WWOX: variants seen among roughly 807,000 people sequenced by gnomAD.
WWOX encodes the protein WW domain-containing oxidoreductase.
In WWOX, 69 loss-of-function variants were observed where a neutral mutation model predicts 46.2. The observed-to-expected ratio is 1.49, with a 90% CI of 1.23 to 1.82. The LOEUF is 1.82. WWOX is among the 40% of genes most tolerant of loss of function. The pLI is 0.00. For synonymous variants in WWOX, 359 were observed against 202.6 expected, an observed-to-expected ratio of 1.77 and a Z score of -6.56; for missense variants, 919 against 542.6, an observed-to-expected ratio of 1.69 and a Z score of -6.89.
chr16:78,283,773 G>A (rs537202719), intron 5 of WWOX, among the ~76,000 whole-genome samples: 1 of 152,166 alleles, frequency 6.6e-6, no homozygotes, highest in Non-Finnish European at 1.5e-5. Context: ...ACAGTGGGTT[G>A]AGCTAAATTC....
chr16:79,076,872 C>G (rs570439400), intron 8 of WWOX, among the ~76,000 whole-genome samples: 1 of 152,208 alleles, frequency 6.6e-6, no homozygotes, highest in African/African-American at 2.4e-5. Flanking sequence ...AGACGCTTGT[C>G]TTAGTGTTTA....
At chr16:78,804,294 A>C (rs903897761) in intron 8 of WWOX, among the ~76,000 whole-genome samples, 4 of 152,030 alleles carry the variant, frequency 2.6e-5, no homozygotes, top group Non-Finnish European at 5.9e-5. Context: ...TTTGCCCTCA[A>C]TTTCATTGAG....
chr16:79,038,845 C>A (rs1354591467), intron 8 of WWOX, among the ~76,000 whole-genome samples: 2 of 152,096 alleles, frequency 1.3e-5, no homozygotes, highest in Non-Finnish European at 2.9e-5. Flanking sequence ...CCACTGTGCC[C>A]AGCCTAGAAA....
chr16:78,743,904 G>C (rs950186000), intron 8 of WWOX, among the ~76,000 whole-genome samples: 1 of 152,112 alleles, frequency 6.6e-6, no homozygotes, highest in Non-Finnish European at 1.5e-5. Context: ...CTTTAACCAG[G>C]CTCTTGAGCC....
rs527879883 is a variant in WWOX, at chr16:78,739,083, T to C, written c.1056+306331T>C. The stretch of plus-strand genomic sequence containing the variant: ...AATAAAGGAATAGAGGGTTCCTCAC[T>C]GTGCCCCATAGCTGCAAAGTCACAG... On this transcript the variant is annotated intron_variant, in intron 8 of 8. Transcript: ENST00000566780. Among the ~76,000 whole-genome samples the C allele has an allele frequency of 2.6e-5, 4 of 152,210 alleles. No individual in the cohort carries two copies. In the South Asian group the frequency reaches 6.2e-4, roughly 24 times the overall value.
chr16:78,390,545 C>T (rs1487272547), intron 6 of WWOX, among the ~76,000 whole-genome samples: 3 of 152,180 alleles, frequency 2.0e-5, no homozygotes, highest in Non-Finnish European at 2.9e-5. Context: ...CAGGATTTTA[C>T]ATGGCTTAGA....
chr16:79,047,154 A>G (rs2048080717), intron 8 of WWOX, among the ~76,000 whole-genome samples: 1 of 152,160 alleles, frequency 6.6e-6, no homozygotes, highest in African/African-American at 2.4e-5. Context: ...TCTTTCATTC[A>G]GTCAATAAAT....
chr16:79,019,188 A>AAAAAAAAAAAAAAG (rs2047480961), intron 8 of WWOX, among the ~76,000 whole-genome samples: 2 of 60,908 alleles, frequency 3.3e-5, no homozygotes, highest in Non-Finnish European at 6.7e-5. Flanking sequence ...AAAAAAAAGA[A>AAAAAAAAAAAAAAG]AAAAAAAAGT....
chr16:79,176,899 C>T (rs1232350624), intron 8 of WWOX, among the ~76,000 whole-genome samples: 2 of 152,112 alleles, frequency 1.3e-5, no homozygotes, highest in Admixed American at 6.6e-5. Flanking sequence ...TAATCCAGGC[C>T]GACTTTGGCT....
chr16:79,001,842 G>T (rs113022515), intron 8 of WWOX, among the ~76,000 whole-genome samples: 1 of 152,126 alleles, frequency 6.6e-6, no homozygotes, highest in African/African-American at 2.4e-5. Flanking sequence ...AATAACTGCA[G>T]TGGTGTCGCT....
chr16:78,422,834 TATATACATATACACACACACACAC>T, intron 6 of WWOX, among the ~76,000 whole-genome samples: 1 of 109,826 alleles, frequency 9.1e-6, no homozygotes, highest in African/African-American at 4.1e-5. Context: ...CACATATATA[TATATACATATACACACACACACAC>T]ACACACACAC....
chr16:78,601,428 T>A (rs567602877), intron 8 of WWOX, among the ~76,000 whole-genome samples: 2 of 130,654 alleles, frequency 1.5e-5, no homozygotes, highest in East Asian at 4.5e-4. Context: ...GCATGGGAAT[T>A]CCCCAGCAGA....
chr16:78,979,825 G>C (rs8062872), intron 8 of WWOX, among the ~76,000 whole-genome samples: 62,171 of 152,022 alleles, frequency 0.41, 14,445 homozygotes, highest in Non-Finnish European at 0.52. Flanking sequence ...AGTGTGGGTA[G>C]TGATATAGAA....
chr16:78,305,972 G>T (rs1178876882), intron 5 of WWOX, among the ~76,000 whole-genome samples: 1 of 151,876 alleles, frequency 6.6e-6, no homozygotes, highest in Non-Finnish European at 1.5e-5. Flanking sequence ...TTGGGAACAG[G>T]TTCTAATACA....
At chr16:78,877,177 T>C (rs1257517271) in intron 8 of WWOX, among the ~76,000 whole-genome samples, 1 of 152,178 alleles carries the variant, frequency 6.6e-6, no homozygotes, top group Non-Finnish European at 1.5e-5. Context: ...AGAAAAGTTA[T>C]TCCTATTTCA....
intron 8 of WWOX, among the ~76,000 whole-genome samples, chr16:78,981,335 A>T (rs372192867): frequency 6.6e-6 from 1 of 152,146 alleles, no homozygotes; most frequent in South Asian, 2.1e-4. Flanking sequence ...GGGGGGGGAA[A>T]ACGCCAGCAG....
At chr16:78,291,466 G>A (rs184581090) in intron 5 of WWOX, among the ~76,000 whole-genome samples, 72 of 152,296 alleles carry the variant, frequency 4.7e-4, no homozygotes, top group African/African-American at 1.4e-3. Context: ...TGTTTCTGTC[G>A]TTATAACTGA....
chr16:78,229,982 C>G (rs547386525), intron 5 of WWOX, among the ~76,000 whole-genome samples: 1 of 152,056 alleles, frequency 6.6e-6, no homozygotes, highest in East Asian at 1.9e-4. Flanking sequence ...GGGGCTCAAG[C>G]GATCCTTCTG....
intron 8 of WWOX, among the ~76,000 whole-genome samples, chr16:79,061,309 T>A (rs2048353757): frequency 6.6e-6 from 1 of 152,228 alleles, no homozygotes; most frequent in Non-Finnish European, 1.5e-5. Context: ...TCTTATTATA[T>A]TAGCCCGGCA....
Sources: gnomAD v4.1 joint callset for allele counts (sites outside exome capture counted in the v4.1 genomes callset) on GRCh38, gnomAD v4.1.1 for gene constraint, MANE v1.5 for transcripts, NCBI Gene and HGNC (gene_info 2026-07-23, HGNC 2026-07-21) for gene names.